COL23A1: variants seen among roughly 807,000 people sequenced by gnomAD.
COL23A1 encodes collagen type XXIII alpha 1 chain, also known as collagen alpha-1(XXIII) chain.
Under a neutral mutation model 99.3 loss-of-function variants are expected in COL23A1, and 97 were observed. The ratio of observed to expected loss-of-function variants is 0.98; its 90% CI spans 0.83 to 1.16. COL23A1 has a LOEUF of 1.16. Among genes scored for constraint, COL23A1 ranks in the 50% most tolerant of loss-of-function variants. COL23A1 has a pLI of 0.00. For synonymous variants in COL23A1, 320 were observed against 308.2 expected, an observed-to-expected ratio of 1.04 and a Z score of -0.40; for missense variants, 762 against 757.4, an observed-to-expected ratio of 1.01 and a Z score of -0.07.
intron 8 of COL23A1, chr5:178,265,666 G>C (rs894930103): frequency 2.0e-6 from 2 of 985,862 alleles, no homozygotes; most frequent in Non-Finnish European, 2.4e-6. Context: ...TTGAGGATCC[G>C]GCGATTGTAC....
At chr5:178,343,585 G>A (rs1760789289) in intron 2 of COL23A1, among the ~76,000 whole-genome samples, 1 of 151,984 alleles carries the variant, frequency 6.6e-6, no homozygotes, top group South Asian at 2.1e-4. Context: ...CTTGAAGCTG[G>A]ATGTGGGGTC....
chr5:178,437,743 C>T (rs1190792722), intron 2 of COL23A1, among the ~76,000 whole-genome samples: 4 of 152,190 alleles, frequency 2.6e-5, no homozygotes, highest in African/African-American at 7.2e-5. Context: ...GCCAGACCTA[C>T]GTCTCCATCA....
At chr5:178,413,796 T>C (rs992163859) in intron 2 of COL23A1, among the ~76,000 whole-genome samples, 2 of 152,132 alleles carry the variant, frequency 1.3e-5, no homozygotes, top group Admixed American at 1.3e-4. Flanking sequence ...TATTAAGAAG[T>C]TGGGAATGCC....
At chr5:178,320,806 G>A (rs55683411) in intron 2 of COL23A1, among the ~76,000 whole-genome samples, 639 of 152,290 alleles carry the variant, frequency 4.2e-3, no homozygotes, top group African/African-American at 0.014. Context: ...GGTGCCTCCC[G>A]GTGTCTCACA....
chr5:178,323,060 G>A (rs1711281107), intron 2 of COL23A1, among the ~76,000 whole-genome samples: 1 of 152,126 alleles, frequency 6.6e-6, no homozygotes, highest in African/African-American at 2.4e-5. Flanking sequence ...ATGTGGGGTG[G>A]CATGTGGCGC....
intron 2 of COL23A1, among the ~76,000 whole-genome samples, chr5:178,552,859 G>C (rs184066208): frequency 6.6e-6 from 1 of 151,906 alleles, no homozygotes; most frequent in Non-Finnish European, 1.5e-5. Context: ...GACTACAGGC[G>C]CGTGCCACCA....
rs959893038 is a variant in COL23A1, at chr5:178,436,725, C to T, written c.361+123957G>A. The stretch of plus-strand genomic sequence containing the variant: ...TAAACTCTGCTCATTCCTCATTACC[C>T]GTCCAGGCCACAGAGCTCACAGCTA... On this transcript the variant is annotated intron_variant, in intron 2 of 28. Coordinates refer to ENST00000390654, the MANE Select transcript of COL23A1 (RefSeq NM_173465.4). 8.5e-5 allele frequency among the ~76,000 whole-genome samples: 13 copies of T among 152,304 alleles called. No homozygotes were observed. In the South Asian group the frequency reaches 1.0e-3, roughly 12 times the overall value.
chr5:178,435,421 C>T (rs906301366), intron 2 of COL23A1, among the ~76,000 whole-genome samples: 7 of 152,088 alleles, frequency 4.6e-5, no homozygotes, highest in African/African-American at 1.7e-4. Context: ...TTCAACCCTC[C>T]ACTTGGCAAA....
intron 2 of COL23A1, among the ~76,000 whole-genome samples, chr5:178,549,647 C>G (rs967572595): frequency 1.3e-5 from 2 of 152,038 alleles, no homozygotes; most frequent in African/African-American, 4.8e-5. Flanking sequence ...GAAACCCTGT[C>G]TCTACTAAAT....
chr5:178,388,567 G>T lies in COL23A1; in HGVS notation c.362-81648C>A, dbSNP rs1056307365. On this transcript the variant is annotated intron_variant, in intron 2 of 28. Coordinates refer to ENST00000390654, the MANE Select transcript of COL23A1 (RefSeq NM_173465.4). ...GCTGTGGGTTGCAGCATCAGTGGCC[G>T]TCTCCTTGCTTGTCTCTCCCACTGC... 3.9e-5 allele frequency among the ~76,000 whole-genome samples: 6 copies of T among 152,190 alleles called. No individual in the cohort carries two copies. In the East Asian group the frequency reaches 1.2e-3, roughly 29 times the overall value.
intron 2 of COL23A1, among the ~76,000 whole-genome samples, chr5:178,454,842 G>A (rs948006565): frequency 6.6e-6 from 1 of 152,244 alleles, no homozygotes; most frequent in African/African-American, 2.4e-5. Flanking sequence ...AATGGTGTGG[G>A]TTAAACGGCA....
intron 2 of COL23A1, among the ~76,000 whole-genome samples, chr5:178,465,563 A>G (rs1756372614): frequency 6.6e-6 from 1 of 152,202 alleles, no homozygotes; most frequent in African/African-American, 2.4e-5. Flanking sequence ...CACAGCACCC[A>G]GGGCAAGACT....
intron 2 of COL23A1, among the ~76,000 whole-genome samples, chr5:178,422,014 C>T (rs955755565): frequency 5.3e-5 from 8 of 152,320 alleles, no homozygotes; most frequent in African/African-American, 7.2e-5. Flanking sequence ...TGGGTCATGT[C>T]GGACATGCCT....
At chr5:178,316,125 G>A (rs1054573159) in intron 2 of COL23A1, among the ~76,000 whole-genome samples, 6 of 152,122 alleles carry the variant, frequency 3.9e-5, no homozygotes, top group Non-Finnish European at 5.9e-5. Context: ...TGGTCTTCAC[G>A]GATGGTCATT....
chr5:178,451,815 CTT>C (rs1186030617), intron 2 of COL23A1, among the ~76,000 whole-genome samples: 1 of 151,862 alleles, frequency 6.6e-6, no homozygotes, highest in Non-Finnish European at 1.5e-5. Context: ...AAATTTAAGA[CTT>C]ATAATATCTA....
intron 2 of COL23A1, among the ~76,000 whole-genome samples, chr5:178,430,241 T>A (rs556341580): frequency 2.6e-5 from 4 of 152,106 alleles, no homozygotes; most frequent in Non-Finnish European, 4.4e-5. Flanking sequence ...CCATAAGGAA[T>A]TTCTCCCATG....
rs78834310 is a variant in COL23A1, at chr5:178,408,647, A to G, written c.362-101728T>C. Among the ~76,000 whole-genome samples the G allele has an allele frequency of 7.9e-5, 12 of 152,238 alleles. No homozygotes were observed. In the South Asian group the frequency reaches 2.5e-3, roughly 32 times the overall value. On this transcript the variant is annotated intron_variant, in intron 2 of 28. Coordinates refer to ENST00000390654, the MANE Select transcript of COL23A1 (RefSeq NM_173465.4). ...GAGTTTCTTAAAAAAACCCCAAAAAACAAAAAACTAAATATACACTTATCA... is the reference window on the plus strand; with the variant it reads ...GAGTTTCTTAAAAAAACCCCAAAAAGCAAAAAACTAAATATACACTTATCA...
intron 2 of COL23A1, among the ~76,000 whole-genome samples, chr5:178,409,879 T>C (rs1022526269): frequency 1.3e-5 from 2 of 152,176 alleles, no homozygotes; most frequent in African/African-American, 4.8e-5. Context: ...AATTTATCAA[T>C]GATATAAATG....
At position 178,308,567 on chromosome 5, in the gene COL23A1, C is replaced by T. The variant is rs916248651; in HGVS notation, c.362-1648G>A. Among the ~76,000 whole-genome samples the T allele has an allele frequency of 6.6e-6, 1 of 152,160 alleles. No individual in the cohort carries two copies. The highest frequency in any genetic ancestry group is 2.4e-5 in the African/African-American group (1 of 41,440). On this transcript the variant is annotated intron_variant, in intron 2 of 28. Transcript: ENST00000390654. The surrounding 1 kb of genome is among the most constrained non-coding windows in gnomAD (Gnocchi z 5.1). ...CAGCTCCTCATACTGTGTGGGTTTA[C>T]AGCTTATGAGGCACCTCCAGGCCCA...
Sources: allele counts gnomAD v4.1 joint callset (sites outside exome capture counted in the v4.1 genomes callset), GRCh38; gene constraint gnomAD v4.1.1; non-coding constraint Gnocchi (gnomAD v3.1); transcripts MANE v1.5; gene names NCBI Gene and HGNC (gene_info 2026-07-23, HGNC 2026-07-21).